The following SEC24D variants were observed in gnomAD, a reference collection of about 807,000 sequenced individuals.
SEC24D encodes the protein protein transport protein Sec24D.
In SEC24D, 69 loss-of-function variants were observed where a neutral mutation model predicts 116.9. The ratio of observed to expected loss-of-function variants is 0.59; its 90% CI spans 0.49 to 0.72. The LOEUF is 0.72. Among genes scored for constraint, SEC24D ranks in the 30% least tolerant of loss-of-function variants. SEC24D has a pLI of 0.00. For missense variants in SEC24D, 1,131 were observed against 1,264.1 expected (o/e 0.89, Z 1.60); for synonymous variants, 405 against 442.8 (o/e 0.91, Z 1.07).
At chr4:118,765,449 C>G (rs1727601122) in intron 9 of SEC24D, among the ~76,000 whole-genome samples, 1 of 152,166 alleles carries the variant, frequency 6.6e-6, no homozygotes, top group South Asian at 2.1e-4. Context: ...CCACTAAGAT[C>G]TCAGCTAAGG....
At chr4:118,813,334 C>T (rs540037643) in intron 6 of SEC24D, among the ~76,000 whole-genome samples, 1 of 152,246 alleles carries the variant, frequency 6.6e-6, no homozygotes, top group South Asian at 2.1e-4. Flanking sequence ...CCTGCTTAGT[C>T]CGTTTTTCAT....
At chr4:118,810,551 T>A (rs1372536201) in intron 6 of SEC24D, among the ~76,000 whole-genome samples, 1 of 152,168 alleles carries the variant, frequency 6.6e-6, no homozygotes, top group Non-Finnish European at 1.5e-5. Flanking sequence ...CGAAAATAGA[T>A]GGAATTACCT....
chr4:118,767,045 C>A (rs1422607159), intron 9 of SEC24D, among the ~76,000 whole-genome samples: 11 of 152,124 alleles, frequency 7.2e-5, no homozygotes, highest in Admixed American at 5.2e-4. Context: ...AGAGACGTAC[C>A]AAGAGGCTTA....
chr4:118,782,210 C>T (rs934198385), intron 8 of SEC24D, among the ~76,000 whole-genome samples: 1 of 152,194 alleles, frequency 6.6e-6, no homozygotes, highest in Admixed American at 6.5e-5. Flanking sequence ...GGTTTCTCCC[C>T]ATCTTTGTGG....
At chr4:118,805,444 TC>T (rs1483214498) in intron 7 of SEC24D, among the ~76,000 whole-genome samples, 1 of 152,186 alleles carries the variant, frequency 6.6e-6, no homozygotes, top group Admixed American at 6.5e-5. Context: ...GTTAAAAATA[TC>T]TGCTTAGAAA....
At chr4:118,772,294 G>A (rs1169675782) in intron 8 of SEC24D, among the ~76,000 whole-genome samples, 11 of 152,270 alleles carry the variant, frequency 7.2e-5, no homozygotes, top group Admixed American at 5.2e-4. Flanking sequence ...AATTAAGGCT[G>A]TATATACCTT....
At chr4:118,770,771 C>T (rs1727866218) in intron 8 of SEC24D, among the ~76,000 whole-genome samples, 1 of 152,180 alleles carries the variant, frequency 6.6e-6, no homozygotes, top group Admixed American at 6.5e-5. Flanking sequence ...CTATGCATTC[C>T]AGTCCTGACA....
chr4:118,747,827 T>C (rs1359080149), intron 13 of SEC24D, among the ~76,000 whole-genome samples: 1 of 152,148 alleles, frequency 6.6e-6, no homozygotes, highest in Non-Finnish European at 1.5e-5. Context: ...CGAATGACAC[T>C]GGACAAATTA....
intron 9 of SEC24D, among the ~76,000 whole-genome samples, chr4:118,766,188 G>A (rs146373464): frequency 6.6e-6 from 1 of 151,998 alleles, no homozygotes; most frequent in African/African-American, 2.4e-5. Flanking sequence ...ATATTCATTA[G>A]CATTTAATAT....
intron 18 of SEC24D, 102 bp downstream of exon 18, chr4:118,739,047 C>T: frequency 9.4e-7 from 1 of 1,060,262 alleles, no homozygotes. Context: ...CTGAATTTAC[C>T]CACCATAAGG....
chr4:118,765,789 A>G (rs1727613568), intron 9 of SEC24D, among the ~76,000 whole-genome samples: 1 of 152,144 alleles, frequency 6.6e-6, no homozygotes, highest in Non-Finnish European at 1.5e-5. Context: ...TGAAACTGAC[A>G]TAAGAATAAC....
chr4:118,826,388 G>A (rs532066754), intron 2 of SEC24D, among the ~76,000 whole-genome samples: 36 of 152,186 alleles, frequency 2.4e-4, no homozygotes, highest in African/African-American at 8.4e-4. Flanking sequence ...TGGATATGAC[G>A]GTTTTTAAAA....
intron 2 of SEC24D, among the ~76,000 whole-genome samples, chr4:118,828,056 C>T (rs1174008376): frequency 6.6e-6 from 1 of 152,026 alleles, no homozygotes; most frequent in Non-Finnish European, 1.5e-5. Context: ...TATAAGCTCA[C>T]TATTAGGAGC....
At chr4:118,745,140 T>C (rs1726447665) in intron 13 of SEC24D, 80 bp from the exon 14 acceptor site, 1 of 809,506 alleles carries the variant, frequency 1.2e-6, no homozygotes, top group South Asian at 1.5e-5. Flanking sequence ...AAATAAAATA[T>C]AAGTTCTTTC....
chr4:118,739,516 T>C (rs991557049), intron 17 of SEC24D, among the ~76,000 whole-genome samples: 8 of 152,330 alleles, frequency 5.3e-5, no homozygotes, highest in Admixed American at 5.2e-4. Context: ...CTGGTTTAAA[T>C]TGTTGAGTGA....
At chr4:118,807,048 T>C (rs972174201) in intron 6 of SEC24D, among the ~76,000 whole-genome samples, 6 of 152,112 alleles carry the variant, frequency 3.9e-5, no homozygotes, top group Non-Finnish European at 5.9e-5. Context: ...GGCTAAAAAT[T>C]ATCTCAGAAG....
At chr4:118,740,046 T>G (rs1271767365) in intron 17 of SEC24D, among the ~76,000 whole-genome samples, 1 of 152,084 alleles carries the variant, frequency 6.6e-6, no homozygotes, top group Non-Finnish European at 1.5e-5. Context: ...AAGAGGTAAA[T>G]TAATTAAAAT....
chr4:118,816,222 C>A (rs1334864370), intron 4 of SEC24D, among the ~76,000 whole-genome samples: 1 of 151,366 alleles, frequency 6.6e-6, no homozygotes, highest in Non-Finnish European at 1.5e-5. Flanking sequence ...AGCCACCATG[C>A]CTGGCCTGGA....
intron 2 of SEC24D, chr4:118,825,488 C>T: frequency 2.2e-6 from 1 of 445,350 alleles, no homozygotes; most frequent in Non-Finnish European, 4.5e-6. Context: ...TCTCTCTTTT[C>T]TTCTTGAGAA....
Sources: allele counts gnomAD v4.1 joint callset (sites outside exome capture counted in the v4.1 genomes callset), GRCh38; gene constraint gnomAD v4.1.1; transcripts MANE v1.5; gene names NCBI Gene and HGNC (gene_info 2026-07-23, HGNC 2026-07-21).